The following RSPO1 variants were observed in gnomAD, a reference collection of about 807,000 sequenced individuals.
RSPO1 encodes the protein R-spondin 1.
A neutral mutation model predicts 26.0 loss-of-function variants in RSPO1; 18 were observed. That is an observed-to-expected ratio of 0.69 (90% confidence interval 0.48 to 1.03). The LOEUF is 1.03. RSPO1 is among the 50% of genes least tolerant of loss of function. The probability of loss-of-function intolerance (pLI) is 0.00; values close to 1 mark genes in which losing one functional copy is unlikely to be tolerated. For missense variants in RSPO1, 309 were observed against 352.3 expected, an observed-to-expected ratio of 0.88 and a Z score of 0.98; for synonymous variants, 133 against 137.4, an observed-to-expected ratio of 0.97 and a Z score of 0.22.
At chr1:37,621,114 T>C (rs1346509635) in intron 3 of RSPO1, among the ~76,000 whole-genome samples, 1 of 152,090 alleles carries the variant, frequency 6.6e-6, no homozygotes, top group Non-Finnish European at 1.5e-5. Context: ...GCACCATCAA[T>C]GGCACCGCAG....
chr1:37,629,667 C>T lies in RSPO1; in HGVS notation c.-6G>A, dbSNP rs371086241. 3.6e-5 allele frequency: 58 copies of T among 1,613,960 alleles called. No individual in the cohort carries two copies. Among genetic ancestry groups the T allele is most frequent in the African/African-American group, 1.3e-4 (10 of 74,906 alleles). On this transcript the variant is annotated 5_prime_UTR_variant, in exon 3 of 7. In the 5' UTR this introduces an upstream ATG that the reference lacks. Coordinates refer to ENST00000356545, the MANE Select transcript of RSPO1 (RefSeq NM_001242908.2). ...ACACACAGCCCAAGCCGCATAGTCACGCGCCAGCTCCAGGCCCCTGGTCGG... is the reference window on the plus strand; with the variant it reads ...ACACACAGCCCAAGCCGCATAGTCATGCGCCAGCTCCAGGCCCCTGGTCGG...
chr1:37,614,297 T>C lies in RSPO1; in HGVS notation c.323A>G (p.His108Arg). 2.5e-6 allele frequency: 4 copies of C among 1,613,878 alleles called. No homozygotes were observed. The highest frequency in any genetic ancestry group is 3.4e-6 in the Non-Finnish European group (4 of 1,180,032). ...KIEHCEACFSHNFCTKCKEGL... is the reference protein window; with the variant it reads ...KIEHCEACFSRNFCTKCKEGL... ...CTCCTTACACTTGGTGCAGAAGTTA[T>C]GGCTGAAGCAGGCCTCACAGTGCTC... Residue 108 changes from histidine to arginine, a missense_variant, in exon 5 of 7, where the codon CAT (histidine) becomes CGT (arginine). Transcript: ENST00000356545.
chr1:37,633,079 G>A (rs1287464000), intron 1 of RSPO1, among the ~76,000 whole-genome samples: 3 of 152,222 alleles, frequency 2.0e-5, no homozygotes, highest in Non-Finnish European at 4.4e-5. Context: ...CTTGTTAGAT[G>A]CCTCCCTCCA....
At position 37,629,843 on chromosome 1, in the gene RSPO1, A is replaced by C. The variant is rs1057072492; in HGVS notation, c.-182T>G. 12 of 1,550,880 alleles carry C rather than the reference A, an allele frequency of 7.7e-6. No homozygotes were observed. The highest frequency in any genetic ancestry group is 1.4e-5 in the African/African-American group (1 of 73,028). ...GAGGGTGTGGGGAGCCCAGTTCTCC[A>C]TCAGCTCAAAGGGAGGTCCTCAAAG... is the stretch of plus-strand genomic sequence containing the variant. On this transcript the variant is annotated 5_prime_UTR_variant, in exon 3 of 7. An upstream start codon of the reference 5' UTR is lost. Coordinates refer to ENST00000356545, the MANE Select transcript of RSPO1 (RefSeq NM_001242908.2).
rs373828546 is a variant in RSPO1 at position 37,631,473 on chromosome 1, T to C, written c.-289+814A>G. Among the ~76,000 whole-genome samples, 23 of 152,316 alleles carry C rather than the reference T, an allele frequency of 1.5e-4. No homozygotes were observed. In the East Asian group the frequency reaches 3.7e-3, roughly 24 times the overall value. On this transcript the variant is annotated intron_variant, in intron 2 of 6. Coordinates refer to ENST00000356545, the MANE Select transcript of RSPO1 (RefSeq NM_001242908.2). ...TTCTCTCACCCACAGATTATAGATG[T>C]CCAGTTGAGTTTATCAAACTGGGGT...
At chr1:37,622,999 C>T (rs1001510245) in intron 3 of RSPO1, among the ~76,000 whole-genome samples, 11 of 151,854 alleles carry the variant, frequency 7.2e-5, no homozygotes, top group African/African-American at 2.7e-4. Flanking sequence ...AGTAGAGACC[C>T]GAGGACACGA....
Position 37,611,536 on chromosome 1 carries a change from G to C in RSPO1, c.*1219C>G, listed in dbSNP as rs1052812042. The C allele has an allele frequency of 4.6e-5, 7 of 152,240 alleles. No homozygotes were observed. Among genetic ancestry groups the C allele is most frequent in the Non-Finnish European group, 8.8e-5 (6 of 68,116 alleles). The allele number at this position is 152,240 out of a possible 1,614,324, so 9.4% of individuals were successfully genotyped here. A position where few individuals can be genotyped will look rare whatever the true frequency, so the allele number is the denominator to read the frequency against. On this transcript the variant is annotated 3_prime_UTR_variant, in exon 7 of 7. Transcript: ENST00000356545. ...TCCACAAGAGCAAGGCCCGTGTTTG[G>C]CTCCTCCCTGGAAACCTAGCACCTA... is the stretch of plus-strand genomic sequence containing the variant.
At chr1:37,627,685 A>T (rs921229490) in intron 3 of RSPO1, among the ~76,000 whole-genome samples, 19 of 124,158 alleles carry the variant, frequency 1.5e-4, no homozygotes, top group African/African-American at 2.8e-4. Flanking sequence ...AAAACAAAAC[A>T]AAACAAAACT....
intron 4 of RSPO1, among the ~76,000 whole-genome samples, chr1:37,615,105 G>A (rs899908483): frequency 1.7e-4 from 26 of 152,292 alleles, no homozygotes; most frequent in African/African-American, 6.0e-4. Context: ...TGAAGCCCAT[G>A]CTGCCAGTTT....
chr1:37,625,420 C>T (rs1441644628), intron 3 of RSPO1, among the ~76,000 whole-genome samples: 3 of 152,112 alleles, frequency 2.0e-5, no homozygotes, highest in East Asian at 3.9e-4. Context: ...GAGAACTCAC[C>T]GTGACCCAGA....
chr1:37,632,506 AG>A (rs1302051163), intron 1 of RSPO1, among the ~76,000 whole-genome samples, 153 bp from the exon 2 acceptor site: 3 of 2,886 alleles, frequency 1.0e-3, no homozygotes, highest in Non-Finnish European at 1.6e-3. Flanking sequence ...CCTCTATACC[AG>A]GGGGTACAAA....
At chr1:37,616,414 G>A in intron 4 of RSPO1, 70 bp downstream of exon 4, 1 of 1,488,852 alleles carries the variant, frequency 6.7e-7, no homozygotes, top group South Asian at 1.1e-5. Context: ...GCCACCAATG[G>A]TTCAAAGCAC....
intron 3 of RSPO1, among the ~76,000 whole-genome samples, chr1:37,622,560 T>C (rs761926519): frequency 3.3e-5 from 5 of 152,134 alleles, no homozygotes; most frequent in Non-Finnish European, 7.4e-5. Context: ...AGAGCCTGGA[T>C]GGTGCCTCAG....
intron 3 of RSPO1, among the ~76,000 whole-genome samples, chr1:37,624,403 G>A (rs1024491969): frequency 1.3e-5 from 2 of 152,092 alleles, no homozygotes; most frequent in South Asian, 2.1e-4. Context: ...GGGTGCTTGT[G>A]GGGGAGGGAG....
At chr1:37,627,847 A>G (rs1455333574) in intron 3 of RSPO1, among the ~76,000 whole-genome samples, 1 of 152,082 alleles carries the variant, frequency 6.6e-6, no homozygotes, top group African/African-American at 2.4e-5. Context: ...GCCTGTCTCC[A>G]CACCTCTCCC....
intron 3 of RSPO1, among the ~76,000 whole-genome samples, chr1:37,622,858 T>G (rs1644222912): frequency 6.6e-6 from 1 of 150,890 alleles, no homozygotes; most frequent in Non-Finnish European, 1.5e-5. Flanking sequence ...TCGGAGTGAG[T>G]GGAAGGGAAG....
chr1:37,630,192 C>A (rs1475969777), intron 2 of RSPO1, among the ~76,000 whole-genome samples: 1 of 152,218 alleles, frequency 6.6e-6, no homozygotes, highest in African/African-American at 2.4e-5. Flanking sequence ...TTGTGGATCA[C>A]TGATGATTTC....
intron 4 of RSPO1, 52 bp downstream of exon 4, chr1:37,616,432 C>T: frequency 6.4e-7 from 1 of 1,559,266 alleles, no homozygotes; most frequent in Non-Finnish European, 8.8e-7. Context: ...CACTCTCCCC[C>T]AGTCCAGAGC....
rs751396259 is a variant in RSPO1 at position 37,613,922 on chromosome 1, G to A, written c.437-30C>T. ...CAGGAAGAGAAGGGAAGGGAGAGAAGGACAAGGAGGAGGGGATCATGTCTC... is the reference window on the plus strand; with the variant it reads ...CAGGAAGAGAAGGGAAGGGAGAGAAAGACAAGGAGGAGGGGATCATGTCTC... On this transcript the variant is annotated intron_variant, in intron 5 of 6. Coordinates refer to ENST00000356545, the MANE Select transcript of RSPO1 (RefSeq NM_001242908.2). This position sits in a 1 kb window ranked among gnomAD's most constrained non-coding sequence, Gnocchi z 4.5. 3 of 1,610,084 alleles carry A rather than the reference G, an allele frequency of 1.9e-6. No homozygotes were observed. The South Asian group carries it at 3.3e-5, about 18-fold the overall frequency.
Sources: gnomAD v4.1 joint callset for allele counts (sites outside exome capture counted in the v4.1 genomes callset) on GRCh38, gnomAD v4.1.1 for gene constraint, Gnocchi (gnomAD v3.1) non-coding constraint, MANE v1.5 for transcripts, NCBI Gene and HGNC (gene_info 2026-07-23, HGNC 2026-07-21) for gene names.